The following CDH18 variants were observed in gnomAD, a reference collection of about 807,000 sequenced individuals.
CDH18 encodes the protein cadherin 18.
CDH18 carries 31 observed loss-of-function variants against 67.9 expected under a neutral mutation model. That is an observed-to-expected ratio of 0.46 (90% CI 0.34 to 0.62). The LOEUF (loss-of-function observed/expected upper bound fraction) is 0.62. CDH18 is among the 20% of genes least tolerant of loss of function. CDH18 has a pLI of 0.01. For synonymous variants in CDH18, 362 were observed against 347.2 expected (o/e 1.04, Z -0.48); for missense variants, 890 against 975.5 (o/e 0.91, Z 1.17).
At chr5:19,550,347 C>T (rs1689683) in intron 8 of CDH18, among the ~76,000 whole-genome samples, 101,679 of 151,634 alleles carry the variant, frequency 0.67, 34,397 homozygotes, top group Middle Eastern at 0.74. Context: ...TGTGCCATGT[C>T]GGTGTGCTGC....
intron 1 of CDH18, among the ~76,000 whole-genome samples, chr5:20,367,850 C>T (rs983032623): frequency 2.6e-5 from 4 of 152,144 alleles, no homozygotes; most frequent in African/African-American, 4.8e-5. Flanking sequence ...TGTTTTACTT[C>T]CACAAAGACA....
At chr5:20,140,350 G>A (rs555480296) in intron 2 of CDH18, among the ~76,000 whole-genome samples, 1 of 152,150 alleles carries the variant, frequency 6.6e-6, no homozygotes, top group South Asian at 2.1e-4. Context: ...ATAACATTAG[G>A]AGAAATACCT....
chr5:19,505,959 T>C (rs1350432505), intron 10 of CDH18, among the ~76,000 whole-genome samples: 3 of 152,166 alleles, frequency 2.0e-5, no homozygotes, highest in Non-Finnish European at 2.9e-5. Flanking sequence ...GGACTTTTTT[T>C]GGTTTGTAGG....
chr5:19,666,316 C>T (rs534852351), intron 5 of CDH18, among the ~76,000 whole-genome samples: 25 of 149,688 alleles, frequency 1.7e-4, no homozygotes, highest in Non-Finnish European at 3.4e-4. Context: ...TCAGGTATCC[C>T]AGGCTGGTCT....
At chr5:19,785,419 G>A (rs530522435) in intron 3 of CDH18, among the ~76,000 whole-genome samples, 9 of 151,102 alleles carry the variant, frequency 6.0e-5, no homozygotes, top group Admixed American at 1.3e-4. Context: ...TTGGGAGGCC[G>A]AGGCGGGCAG....
At position 20,007,005 on chromosome 5, in the gene CDH18, T is replaced by A. The variant is rs534353328; in HGVS notation, c.-517-14991A>T. 1.6e-3 allele frequency among the ~76,000 whole-genome samples: 240 copies of A among 152,040 alleles called. 1 individual carries two copies. Among genetic ancestry groups the A allele is most frequent in the African/African-American group, 5.5e-3 (227 of 41,538 alleles). ...AACCACAACCAAATATTGAGTTAAA[T>A]TTTTTTAGGTTGGCTATGATGTAAA... On this transcript the variant is annotated intron_variant, in intron 2 of 14. Transcript: ENST00000507958.
At chr5:20,134,999 C>T (rs1169219483) in intron 2 of CDH18, among the ~76,000 whole-genome samples, 2 of 152,084 alleles carry the variant, frequency 1.3e-5, no homozygotes, top group Non-Finnish European at 2.9e-5. Context: ...TATGCTATTT[C>T]CTTGACCTCT....
At chr5:19,797,637 A>C (rs1209452249) in intron 3 of CDH18, among the ~76,000 whole-genome samples, 2 of 152,056 alleles carry the variant, frequency 1.3e-5, no homozygotes, top group Non-Finnish European at 2.9e-5. Flanking sequence ...ATAATGTTTT[A>C]TGCACTGAAT....
chr5:19,939,129 G>A (rs998092344), intron 2 of CDH18, among the ~76,000 whole-genome samples: 3 of 151,280 alleles, frequency 2.0e-5, no homozygotes, highest in African/African-American at 7.3e-5. Flanking sequence ...TTATTTAAGT[G>A]TCCTTTCATA....
chr5:20,127,082 A>G (rs1580303779), intron 2 of CDH18, among the ~76,000 whole-genome samples: 1 of 152,126 alleles, frequency 6.6e-6, no homozygotes, highest in Non-Finnish European at 1.5e-5. Flanking sequence ...GCAATCCCCA[A>G]TGTGGAGAAG....
intron 2 of CDH18, among the ~76,000 whole-genome samples, chr5:19,942,010 C>A (rs1350273095): frequency 6.6e-6 from 1 of 151,994 alleles, no homozygotes; most frequent in Non-Finnish European, 1.5e-5. Context: ...TGAGCCTAGA[C>A]ATGGCAGATA....
intron 1 of CDH18, among the ~76,000 whole-genome samples, chr5:20,430,061 G>A (rs1748614906): frequency 6.6e-6 from 1 of 152,050 alleles, no homozygotes; most frequent in African/African-American, 2.4e-5. Flanking sequence ...TAAGTGAGAG[G>A]CGCAAAGAAC....
chr5:20,436,789 T>C (rs1749197659), intron 1 of CDH18, among the ~76,000 whole-genome samples: 1 of 150,506 alleles, frequency 6.6e-6, no homozygotes, highest in Non-Finnish European at 1.5e-5. Flanking sequence ...TTCTAAGAAT[T>C]TGACAGATGC....
In CDH18 at chr5:20,557,264, T is replaced by G. The variant is rs1242342405; in HGVS notation, c.-580+18198A>C. ...GTGAAGACATACGAAACAATGCAAG[T>G]TCAACCAATAATTGCGTGGAGAGAT... On this transcript the variant is annotated intron_variant, in intron 1 of 14. Transcript: ENST00000507958. 2.0e-5 allele frequency among the ~76,000 whole-genome samples: 3 copies of G among 152,018 alleles called. No individual in the cohort carries two copies. In the East Asian group the frequency reaches 5.8e-4, roughly 29 times the overall value.
chr5:19,775,937 A>G (rs1026723265), intron 3 of CDH18, among the ~76,000 whole-genome samples: 3 of 152,156 alleles, frequency 2.0e-5, no homozygotes, highest in African/African-American at 4.8e-5. Flanking sequence ...GAGGATGGCA[A>G]TTATTATGAT....
In CDH18 at chr5:20,084,383, G is replaced by A. The variant is rs376218027; in HGVS notation, c.-517-92369C>T. 2.6e-5 allele frequency among the ~76,000 whole-genome samples: 4 copies of A among 152,232 alleles called. No individual in the cohort carries two copies. The South Asian group carries it at 8.3e-4, about 31-fold the overall frequency. Reference sequence around the variant, plus strand: ...GCAGCTCCACCCCTGTGGTTTTGCAGGGTACAGCCTCTCTCCTGGCTGCTT... The same window carrying A: ...GCAGCTCCACCCCTGTGGTTTTGCAAGGTACAGCCTCTCTCCTGGCTGCTT... On this transcript the variant is annotated intron_variant, in intron 2 of 14. Transcript: ENST00000507958.
At chr5:20,157,226 A>G (rs1481702368) in intron 2 of CDH18, among the ~76,000 whole-genome samples, 9 of 152,190 alleles carry the variant, frequency 5.9e-5, no homozygotes, top group African/African-American at 1.9e-4. Context: ...ACAGTTGACC[A>G]CAGGAAACTG....
At chr5:20,149,706 T>C (rs987828130) in intron 2 of CDH18, among the ~76,000 whole-genome samples, 2 of 152,250 alleles carry the variant, frequency 1.3e-5, no homozygotes, top group South Asian at 2.1e-4. Flanking sequence ...TTGGGGAAAT[T>C]TGAAGGCTTA....
intron 2 of CDH18, among the ~76,000 whole-genome samples, chr5:19,848,414 A>T (rs1421837676): frequency 9.9e-5 from 15 of 152,120 alleles, no homozygotes; most frequent in Admixed American, 9.8e-4. Context: ...AGATTCAGTT[A>T]GTTTCACACT....
Sources: gnomAD v4.1 joint callset for allele counts (sites outside exome capture counted in the v4.1 genomes callset) on GRCh38, gnomAD v4.1.1 for gene constraint, MANE v1.5 for transcripts, NCBI Gene and HGNC (gene_info 2026-07-23, HGNC 2026-07-21) for gene names.